The following ATP8A2 variants were observed in gnomAD, a reference collection of about 807,000 sequenced individuals.
The protein encoded by ATP8A2 is phospholipid-transporting ATPase IB.
ATP8A2 carries 100 observed loss-of-function variants against 165.6 expected under a neutral mutation model. The ratio of observed to expected loss-of-function variants is 0.60; its 90% confidence interval spans 0.51 to 0.71. The LOEUF (loss-of-function observed/expected upper bound fraction) is 0.71, where lower values mean the gene tolerates loss of function less well. ATP8A2 is among the 30% of genes least tolerant of loss of function. The pLI is 0.00. For missense variants in ATP8A2, 1,227 were observed against 1,479.5 expected (o/e 0.83, Z 2.80); for synonymous variants, 543 against 548.8 (o/e 0.99, Z 0.15).
intron 1 of ATP8A2, among the ~76,000 whole-genome samples, chr13:25,434,350 C>CT (rs200501084): frequency 0.054 from 8,123 of 151,072 alleles, 395 homozygotes; most frequent in African/African-American, 0.13. Flanking sequence ...TTTTCTCTCT[C>CT]TTTTTTTTTG....
chr13:25,829,667 G>GGTAT (rs1216186027), intron 28 of ATP8A2, among the ~76,000 whole-genome samples: 5 of 46,910 alleles, frequency 1.1e-4, no homozygotes, highest in Admixed American at 2.8e-4. Context: ...GGACAGGTGT[G>GGTAT]GTATATATAT....
At chr13:25,382,904 C>T (rs541148218) in intron 1 of ATP8A2, among the ~76,000 whole-genome samples, 92 of 151,306 alleles carry the variant, frequency 6.1e-4, no homozygotes, top group African/African-American at 1.8e-3. Context: ...TACAGGTGCC[C>T]GCCACCATGC....
intron 25 of ATP8A2, among the ~76,000 whole-genome samples, chr13:25,741,343 A>G (rs2043906177): frequency 6.6e-6 from 1 of 152,128 alleles, no homozygotes; most frequent in South Asian, 2.1e-4. Flanking sequence ...AAGTGTCCCT[A>G]AAATAGCTGA....
At chr13:25,622,251 A>C in intron 24 of ATP8A2, among the ~76,000 whole-genome samples, 1 of 152,074 alleles carries the variant, frequency 6.6e-6, no homozygotes, top group East Asian at 1.9e-4. Context: ...GTATATGCCA[A>C]GTTGGAGATG....
chr13:25,462,933 G>C (rs774379985), intron 1 of ATP8A2, among the ~76,000 whole-genome samples: 1 of 152,084 alleles, frequency 6.6e-6, no homozygotes, highest in Non-Finnish European at 1.5e-5. Flanking sequence ...TGTCCAAGCC[G>C]GGTCTGACTC....
At chr13:25,812,800 A>G (rs1048087544) in intron 27 of ATP8A2, among the ~76,000 whole-genome samples, 67 of 152,120 alleles carry the variant, frequency 4.4e-4, no homozygotes, top group African/African-American at 1.5e-3. Context: ...CCTTGTTTCT[A>G]TTCACACTAG....
intron 1 of ATP8A2, among the ~76,000 whole-genome samples, chr13:25,462,946 C>A (rs1476704323): frequency 6.6e-6 from 1 of 152,110 alleles, no homozygotes; most frequent in Non-Finnish European, 1.5e-5. Flanking sequence ...TCTGACTCCA[C>A]CTTGACTTTT....
intron 33 of ATP8A2, among the ~76,000 whole-genome samples, chr13:25,903,364 C>T (rs1953824104): frequency 6.6e-6 from 1 of 152,118 alleles, no homozygotes; most frequent in Non-Finnish European, 1.5e-5. Context: ...CCATGGCTCT[C>T]TTCTTTCCCT....
In ATP8A2 at chr13:25,450,693, G is replaced by A. The variant is rs562730560; in HGVS notation, c.77-18284G>A. 1.7e-3 allele frequency among the ~76,000 whole-genome samples: 255 copies of A among 152,108 alleles called. 4 individuals are homozygous for A. Among genetic ancestry groups the A allele is most frequent in the Non-Finnish European group, 1.8e-3 (122 of 68,004 alleles). Reference sequence around the variant, plus strand: ...ACTACAGGCGCCCGCCACCATGCCCGGCTAATTTTTTGTATTTTTAATAGA... The same window carrying A: ...ACTACAGGCGCCCGCCACCATGCCCAGCTAATTTTTTGTATTTTTAATAGA... On this transcript the variant is annotated intron_variant, in intron 1 of 36. Coordinates refer to ENST00000381655, the MANE Select transcript of ATP8A2 (RefSeq NM_016529.6).
chr13:25,687,388 T>A (rs1209819509), intron 24 of ATP8A2, among the ~76,000 whole-genome samples: 1 of 152,132 alleles, frequency 6.6e-6, no homozygotes, highest in African/African-American at 2.4e-5. Context: ...TTACAGACAC[T>A]AATGGGGGCA....
chr13:25,430,679 C>G (rs570022059), intron 1 of ATP8A2, among the ~76,000 whole-genome samples: 28 of 152,138 alleles, frequency 1.8e-4, no homozygotes, highest in African/African-American at 6.3e-4. Flanking sequence ...CTCGCTGTAG[C>G]CTCCGCCTCC....
chr13:25,806,887 G>A (rs376267590), intron 27 of ATP8A2, among the ~76,000 whole-genome samples: 2 of 152,234 alleles, frequency 1.3e-5, no homozygotes, highest in South Asian at 2.1e-4. Flanking sequence ...GTTTGAAGTG[G>A]TATGCCATTG....
intron 25 of ATP8A2, among the ~76,000 whole-genome samples, chr13:25,739,930 G>A (rs894569351): frequency 3.3e-5 from 5 of 152,172 alleles, no homozygotes; most frequent in African/African-American, 9.7e-5. Context: ...AAATGCCAAA[G>A]GCAAGCAATA....
At chr13:25,890,282 A>G (rs1450153863) in intron 33 of ATP8A2, among the ~76,000 whole-genome samples, 1 of 152,254 alleles carries the variant, frequency 6.6e-6, no homozygotes, top group African/African-American at 2.4e-5. Flanking sequence ...AACACTTTAT[A>G]GTTGCTAACA....
intron 24 of ATP8A2, among the ~76,000 whole-genome samples, chr13:25,610,063 T>C (rs2040640115): frequency 6.6e-6 from 1 of 152,128 alleles, no homozygotes; most frequent in Non-Finnish European, 1.5e-5. Context: ...ATTCTGTGGG[T>C]TGTGTGTTTA....
At chr13:25,726,007 T>C (rs2043485161) in intron 25 of ATP8A2, among the ~76,000 whole-genome samples, 2 of 152,242 alleles carry the variant, frequency 1.3e-5, no homozygotes, top group African/African-American at 4.8e-5. Flanking sequence ...TCAAATACCA[T>C]TGCTAAATAT....
chr13:25,859,515 T>C (rs1276143313), intron 30 of ATP8A2, among the ~76,000 whole-genome samples: 1 of 152,062 alleles, frequency 6.6e-6, no homozygotes, highest in East Asian at 1.9e-4. Context: ...AACAACTCTA[T>C]TAGCATTCTG....
intron 25 of ATP8A2, among the ~76,000 whole-genome samples, chr13:25,717,538 A>G (rs1318989888): frequency 6.6e-6 from 1 of 152,076 alleles, no homozygotes; most frequent in Non-Finnish European, 1.5e-5. Flanking sequence ...AAACTGGGTA[A>G]GTGGTGGTGC....
rs114103816 is a variant in ATP8A2 at position 25,661,653 on chromosome 13, G to A, written c.2212-37520G>A. ...GACGGTCTTTCCTTGTATTACTTGG[G>A]GAAAGCAAAAATTAAAAGAGATGAG... On this transcript the variant is annotated intron_variant, in intron 24 of 36. Transcript: ENST00000381655. 1.9e-3 allele frequency among the ~76,000 whole-genome samples: 284 copies of A among 152,192 alleles called. 1 individual carries two copies. Among genetic ancestry groups the A allele is most frequent in the African/African-American group, 6.6e-3 (272 of 41,518 alleles).
Sources: gnomAD v4.1 joint callset for allele counts (sites outside exome capture counted in the v4.1 genomes callset) on GRCh38, gnomAD v4.1.1 for gene constraint, MANE v1.5 for transcripts, NCBI Gene and HGNC (gene_info 2026-07-23, HGNC 2026-07-21) for gene names.